CRACDL: variants seen among roughly 807,000 people sequenced by gnomAD.
CRACDL encodes the protein CRACD-like protein.
Under a neutral mutation model 70.6 loss-of-function variants are expected in CRACDL, and 26 were observed. The ratio of observed to expected loss-of-function variants is 0.37; its 90% confidence interval spans 0.27 to 0.51. CRACDL has a LOEUF of 0.51. Among genes scored for constraint, CRACDL ranks in the 20% least tolerant of loss-of-function variants. The pLI is 0.94. For missense variants in CRACDL, 1,283 were observed against 1,376.9 expected (o/e 0.93, Z 1.08); for synonymous variants, 618 against 615.2 (o/e 1.00, Z -0.07).
At chr2:98,869,369 C>T (rs1360146132) in intron 1 of CRACDL, 14 of 951,844 alleles carry the variant, frequency 1.5e-5, no homozygotes, top group South Asian at 1.8e-5. Context: ...CAGAAAAGGC[C>T]GTCTAAGAAA....
chr2:98,861,806 G>C (rs1165314326), intron 1 of CRACDL, among the ~76,000 whole-genome samples: 3 of 152,172 alleles, frequency 2.0e-5, no homozygotes, highest in Non-Finnish European at 2.9e-5. Context: ...TCTGCTCTTA[G>C]CACAGTAGCA....
At position 98,795,073 on chromosome 2, in the gene CRACDL, A is replaced by ATTTTTTTTTTTTT. The variant is rs1468056572; in HGVS notation, c.2750-403_2750-402insAAAAAAAAAAAAA. Among the ~76,000 whole-genome samples, 119 of 20,080 alleles carry ATTTTTTTTTTTTT rather than the reference A, an allele frequency of 5.9e-3. 16 individuals are homozygous for ATTTTTTTTTTTTT. The highest frequency in any genetic ancestry group is 0.013 in the African/African-American group (105 of 8,346). The allele number at this position is 20,080 out of a possible 152,430, so 13.2% of individuals were successfully genotyped here. On this transcript the variant is annotated intron_variant, in intron 9 of 9. Coordinates refer to ENST00000397899, the MANE Select transcript of CRACDL (RefSeq NM_207362.3). ...TATATATATATATATATATATATAT[A>ATTTTTTTTTTTTT]TATATTTTTTTTTTTTTTTGAGACA...
intron 1 of CRACDL, among the ~76,000 whole-genome samples, chr2:98,868,752 T>G (rs1470593684): frequency 6.6e-6 from 1 of 152,188 alleles, no homozygotes; most frequent in Non-Finnish European, 1.5e-5. Context: ...AGATCCCAAG[T>G]GTAAACACGG....
At chr2:98,879,987 C>G (rs1707598956) in intron 1 of CRACDL, among the ~76,000 whole-genome samples, 2 of 152,382 alleles carry the variant, frequency 1.3e-5, no homozygotes, top group South Asian at 4.1e-4. Flanking sequence ...TGGGTCATAA[C>G]TGGCCTCCTC....
chr2:98,906,117 A>G (rs183160459), intron 1 of CRACDL, among the ~76,000 whole-genome samples: 1 of 152,208 alleles, frequency 6.6e-6, no homozygotes, highest in Admixed American at 6.5e-5. Flanking sequence ...GGCTCTGCTA[A>G]TTTCTTTTCA....
intron 1 of CRACDL, among the ~76,000 whole-genome samples, chr2:98,849,313 C>G (rs2104542981): frequency 6.6e-6 from 1 of 152,314 alleles, no homozygotes; most frequent in Non-Finnish European, 1.5e-5. Context: ...CTGGAGAAAC[C>G]ATGATGTTAC....
At chr2:98,818,570 A>C (rs757472894) in intron 7 of CRACDL, among the ~76,000 whole-genome samples, 4 of 152,226 alleles carry the variant, frequency 2.6e-5, no homozygotes, top group African/African-American at 7.2e-5. Context: ...TTGCCACCAC[A>C]ACAGCAAATA....
At chr2:98,812,463 A>AT (rs926127107) in intron 7 of CRACDL, among the ~76,000 whole-genome samples, 3 of 152,236 alleles carry the variant, frequency 2.0e-5, no homozygotes, top group African/African-American at 4.8e-5. Flanking sequence ...CCCATTGGCC[A>AT]TAGAGATAAT....
intron 6 of CRACDL, among the ~76,000 whole-genome samples, chr2:98,824,134 T>C (rs1705211005): frequency 6.6e-6 from 1 of 152,204 alleles, no homozygotes; most frequent in South Asian, 2.1e-4. Flanking sequence ...TAACCATGGC[T>C]TATAGGATAA....
In CRACDL at chr2:98,822,552, A is replaced by T. The variant is rs1051488673; in HGVS notation, c.1721T>A (p.Phe574Tyr). ...GGAELRGAKK[F>Y]SVSSCRARPR... ...CCGCGCTCGGCACGAGGACACCGAG[A>T]ACTTCTTCGCGCCTCGCAGCTCGGC... is the stretch of plus-strand genomic sequence containing the variant. Residue 574 changes from phenylalanine to tyrosine, a missense_variant, in exon 7 of 10, where the codon TTC becomes TAC. Around this residue, in one of 2 missense-constraint regions of CRACDL, gnomAD observed 921 missense variants for 881.9 expected, o/e 1.04. Transcript: ENST00000397899. The surrounding 1 kb of genome is among the most constrained non-coding windows in gnomAD (Gnocchi z 4.9). 3 of 1,467,606 alleles carry T rather than the reference A, an allele frequency of 2.0e-6. No individual in the cohort carries two copies. Among genetic ancestry groups the T allele is most frequent in the Non-Finnish European group, 2.7e-6 (3 of 1,117,516 alleles). 90.9% of individuals were successfully genotyped at this position (1,467,606 alleles called of 1,614,324 possible).
At position 98,838,206 on chromosome 2, in the gene CRACDL, C is replaced by T. The variant is rs769198985; in HGVS notation, c.152G>A (p.Ser51Asn). Residue 51 changes from serine to asparagine, a missense_variant, in exon 3 of 10, where the codon AGT becomes AAT. Around this residue, in one of 2 missense-constraint regions of CRACDL, gnomAD observed 362 missense variants for 495.0 expected, o/e 0.73. Coordinates refer to ENST00000397899, the MANE Select transcript of CRACDL (RefSeq NM_207362.3). ...CGTCTGACTTTGTTTCCAGGTGCTACTTCCTGTGGACGACGGCGATTCTTT... is the reference window on the plus strand; with the variant it reads ...CGTCTGACTTTGTTTCCAGGTGCTATTTCCTGTGGACGACGGCGATTCTTT... ...KRKESPSSTG[S>N]STWKQSQTRN... 6.2e-7 allele frequency: 1 copy of T among 1,613,996 alleles called. No homozygotes were observed.
intron 1 of CRACDL, among the ~76,000 whole-genome samples, chr2:98,899,272 C>T (rs1357993478): frequency 6.6e-6 from 1 of 152,242 alleles, no homozygotes; most frequent in East Asian, 1.9e-4. Context: ...CACAAGAGCT[C>T]TTAACCTCAG....
At chr2:98,905,478 A>C (rs1248878514) in intron 1 of CRACDL, among the ~76,000 whole-genome samples, 1 of 152,166 alleles carries the variant, frequency 6.6e-6, no homozygotes, top group African/African-American at 2.4e-5. Context: ...TTTTATAACA[A>C]CTTTTTAAAA....
chr2:98,829,079 T>A (rs1705433174), intron 5 of CRACDL, among the ~76,000 whole-genome samples: 1 of 152,262 alleles, frequency 6.6e-6, no homozygotes, highest in Non-Finnish European at 1.5e-5. Flanking sequence ...CAAGATCAGC[T>A]GCTTTGCAAG....
chr2:98,833,002 G>T lies in CRACDL; in HGVS notation c.240-5C>A. 1.2e-6 allele frequency: 2 copies of T among 1,607,454 alleles called. No individual in the cohort carries two copies. Among genetic ancestry groups the T allele is most frequent in the Non-Finnish European group, 1.7e-6 (2 of 1,177,020 alleles). ...CCCAGCGTGCCCCTCGACTCCCTAGGATAAAAGAGCCACTGTGAGACTCTG... is the reference window on the plus strand; with the variant it reads ...CCCAGCGTGCCCCTCGACTCCCTAGTATAAAAGAGCCACTGTGAGACTCTG... On this transcript the variant is annotated splice_region_variant and splice_polypyrimidine_tract_variant and intron_variant, in intron 3 of 9. Transcript: ENST00000397899.
intron 1 of CRACDL, among the ~76,000 whole-genome samples, chr2:98,904,220 C>T (rs1708351939): frequency 6.6e-6 from 1 of 152,222 alleles, no homozygotes; most frequent in Admixed American, 6.5e-5. Context: ...CTATTGCAAT[C>T]CCTTTCCTTA....
intron 1 of CRACDL, among the ~76,000 whole-genome samples, chr2:98,900,943 G>A (rs1446587232): frequency 6.6e-6 from 1 of 152,170 alleles, no homozygotes; most frequent in Admixed American, 6.5e-5. Flanking sequence ...TTCTATAATG[G>A]TGCCAGGAGG....
In CRACDL at chr2:98,850,879, T is replaced by C. The variant is rs1295957940; in HGVS notation, c.-10-4069A>G. 2.6e-5 allele frequency among the ~76,000 whole-genome samples: 4 copies of C among 152,212 alleles called. No individual in the cohort carries two copies. The South Asian group carries it at 6.2e-4, about 24-fold the overall frequency. On this transcript the variant is annotated intron_variant, in intron 1 of 9. Transcript: ENST00000397899. ...CCCAGCTTATAGCAGAGTTCTATCA[T>C]TAGTCTCAGCTTCTATAGAAATATT...
intron 6 of CRACDL, among the ~76,000 whole-genome samples, chr2:98,824,345 C>T (rs1196287259): frequency 7.8e-6 from 1 of 127,458 alleles, no homozygotes; most frequent in East Asian, 2.7e-4. Flanking sequence ...CTATTTCAAA[C>T]TCTCCCACTC....
Sources: gnomAD v4.1 joint callset for allele counts (sites outside exome capture counted in the v4.1 genomes callset) on GRCh38, gnomAD v4.1.1 for gene constraint, gnomAD v4.1.1 regional missense constraint, Gnocchi (gnomAD v3.1) non-coding constraint, MANE v1.5 for transcripts, NCBI Gene and HGNC (gene_info 2026-07-23, HGNC 2026-07-21) for gene names.